GALNTL5: variants seen among roughly 807,000 people sequenced by gnomAD.
GALNTL5 encodes inactive polypeptide N-acetylgalactosaminyltransferase-like protein 5.
Under a neutral mutation model 51.0 loss-of-function variants are expected in GALNTL5, and 44 were observed. That is an observed-to-expected ratio of 0.86 (90% confidence interval 0.68 to 1.11). The LOEUF (loss-of-function observed/expected upper bound fraction) is 1.11, where lower values mean the gene tolerates loss of function less well. Ranked by LOEUF, GALNTL5 falls within the 50% of genes least tolerant of loss-of-function variation. The pLI, the probability that GALNTL5 is intolerant of heterozygous loss-of-function variation, is 0.00. For synonymous variants in GALNTL5, 192 were observed against 182.8 expected (o/e 1.05, Z -0.41); for missense variants, 528 against 531.8 (o/e 0.99, Z 0.07).
chr7:151,977,278 A>T (rs536124655), intron 3 of GALNTL5, among the ~76,000 whole-genome samples: 2 of 152,302 alleles, frequency 1.3e-5, no homozygotes, highest in Admixed American at 1.3e-4. Context: ...GTAGAAAATA[A>T]GTTATAAGTG....
At chr7:152,015,988 G>GA (rs1026149425) in intron 8 of GALNTL5, among the ~76,000 whole-genome samples, 9 of 151,978 alleles carry the variant, frequency 5.9e-5, no homozygotes, top group Non-Finnish European at 1.2e-4. Context: ...TTCTCTAACT[G>GA]AAAAAAACAC....
intron 3 of GALNTL5, among the ~76,000 whole-genome samples, chr7:151,973,947 A>G (rs2080740986): frequency 6.6e-6 from 1 of 152,090 alleles, no homozygotes; most frequent in Non-Finnish European, 1.5e-5. Flanking sequence ...ATGAGACCTG[A>G]TGGTTTTTAA....
Position 151,962,451 on chromosome 7 carries a change from TG to T in GALNTL5, c.-39-4755del, listed in dbSNP as rs1168328623. Among the ~76,000 whole-genome samples, 67 of 148,114 alleles carry T rather than the reference TG, an allele frequency of 4.5e-4. 1 individual carries two copies. The highest frequency in any genetic ancestry group is 1.2e-3 in the African/African-American group (47 of 40,650). Reference sequence around the variant, plus strand: ...ATTTTTTTTTCTTTTTTTTTTTTTTTGGTTAATGCAGTAATCAGTGTTTGCA... The same window carrying T: ...ATTTTTTTTTCTTTTTTTTTTTTTTTGTTAATGCAGTAATCAGTGTTTGCA... On this transcript the variant is annotated intron_variant, in intron 1 of 8. Transcript: ENST00000392800.
At chr7:151,997,108 T>C (rs577418286) in intron 5 of GALNTL5, among the ~76,000 whole-genome samples, 1 of 152,332 alleles carries the variant, frequency 6.6e-6, no homozygotes, top group African/African-American at 2.4e-5. Context: ...CAGGGTAAGA[T>C]GGAGGACGTA....
At chr7:151,968,912 C>T (rs1271964487) in intron 2 of GALNTL5, among the ~76,000 whole-genome samples, 4 of 152,184 alleles carry the variant, frequency 2.6e-5, no homozygotes. Context: ...GATAACCACT[C>T]ATATACTGTC....
intron 6 of GALNTL5, 114 bp from the exon 7 acceptor site, chr7:152,007,713 C>T (rs763965611): frequency 4.8e-5 from 35 of 733,454 alleles, no homozygotes; most frequent in Non-Finnish European, 5.7e-5. Flanking sequence ...CCTCCACACC[C>T]GGCCTGTTTT....
chr7:151,996,952 C>G (rs1483126131), intron 5 of GALNTL5, among the ~76,000 whole-genome samples: 1 of 151,922 alleles, frequency 6.6e-6, no homozygotes, highest in East Asian at 1.9e-4. Flanking sequence ...AAATACAAAA[C>G]AGAGAAAAAC....
intron 8 of GALNTL5, among the ~76,000 whole-genome samples, chr7:152,016,640 G>A (rs990763968): frequency 3.9e-5 from 6 of 152,164 alleles, no homozygotes; most frequent in Non-Finnish European, 5.9e-5. Context: ...CTAATAAACA[G>A]CATTATTTGT....
At chr7:151,973,051 T>G (rs1393620790) in intron 3 of GALNTL5, among the ~76,000 whole-genome samples, 2 of 152,080 alleles carry the variant, frequency 1.3e-5, no homozygotes, top group Admixed American at 6.5e-5. Context: ...CTGCGGGGGA[T>G]GTACCCTGCA....
chr7:151,977,190 G>T (rs73728485), intron 3 of GALNTL5, among the ~76,000 whole-genome samples: 77 of 152,184 alleles, frequency 5.1e-4, no homozygotes, highest in African/African-American at 1.8e-3. Flanking sequence ...ACAAAAATAG[G>T]ACTGAGAGAT....
intron 3 of GALNTL5, among the ~76,000 whole-genome samples, chr7:151,981,538 T>A (rs2081286019): frequency 6.7e-6 from 1 of 149,306 alleles, no homozygotes; most frequent in Admixed American, 6.7e-5. Context: ...ACAATACATC[T>A]CTCTTCCCTT....
intron 1 of GALNTL5, among the ~76,000 whole-genome samples, chr7:151,966,550 T>G (rs1341513704): frequency 6.6e-6 from 1 of 152,192 alleles, no homozygotes; most frequent in Non-Finnish European, 1.5e-5. Flanking sequence ...ATTACAGGCA[T>G]GAGCCACCAC....
intron 5 of GALNTL5, among the ~76,000 whole-genome samples, chr7:151,992,001 A>G (rs991000930): frequency 6.6e-6 from 1 of 152,110 alleles, no homozygotes; most frequent in Non-Finnish European, 1.5e-5. Flanking sequence ...ATTTCTGTTT[A>G]TCTTGATTTT....
intron 6 of GALNTL5, 110 bp downstream of exon 6, chr7:152,003,073 A>C (rs2081602975): frequency 2.2e-6 from 2 of 918,754 alleles, no homozygotes; most frequent in Admixed American, 4.8e-5. Flanking sequence ...TCAAAATGTT[A>C]TGTTACTTGT....
At chr7:152,005,655 G>A (rs2151958170) in intron 6 of GALNTL5, among the ~76,000 whole-genome samples, 1 of 152,220 alleles carries the variant, frequency 6.6e-6, no homozygotes, top group Middle Eastern at 3.4e-3. Flanking sequence ...GATTTCTTCT[G>A]GTTTTGGAAA....
Position 151,971,024 on chromosome 7 carries a change from C to T in GALNTL5, c.327C>T (p.Ser109=), listed in dbSNP as rs2081128336. 1 of 1,611,444 alleles carries T rather than the reference C, an allele frequency of 6.2e-7. No individual in the cohort carries two copies. The highest frequency in any genetic ancestry group is 2.2e-5 in the East Asian group (1 of 44,728). ...GATTTAATGTGATTATCAGTAGAAGCTTGGGCATCGAAAGAGAAGTGCCAG... is the reference window on the plus strand; with the variant it reads ...GATTTAATGTGATTATCAGTAGAAGTTTGGGCATCGAAAGAGAAGTGCCAG... ...KYGFNVIISR[S]LGIEREVPDT... The change falls in exon 3 of 9, where the codon AGC becomes AGT. Residue 109 remains serine, a synonymous_variant. Coordinates refer to ENST00000392800, the MANE Select transcript of GALNTL5 (RefSeq NM_145292.4).
intron 3 of GALNTL5, among the ~76,000 whole-genome samples, chr7:151,980,187 G>C (rs1366749518): frequency 2.0e-5 from 3 of 152,054 alleles, no homozygotes; most frequent in African/African-American, 7.2e-5. Flanking sequence ...GGGTTCAAGT[G>C]ATTCTCCTGC....
chr7:152,000,750 T>C (rs145419478), intron 5 of GALNTL5, among the ~76,000 whole-genome samples: 4 of 152,220 alleles, frequency 2.6e-5, no homozygotes, highest in Non-Finnish European at 4.4e-5. Context: ...CTCTTGCGCA[T>C]TTTAAATCAG....
chr7:151,983,760 G>A (rs1321934623), intron 4 of GALNTL5, among the ~76,000 whole-genome samples: 1 of 152,180 alleles, frequency 6.6e-6, no homozygotes, highest in East Asian at 1.9e-4. Flanking sequence ...GATCTAGGTG[G>A]AGAGGAAGGA....
Sources: gnomAD v4.1 joint callset for allele counts (sites outside exome capture counted in the v4.1 genomes callset) on GRCh38, gnomAD v4.1.1 for gene constraint, MANE v1.5 for transcripts, NCBI Gene and HGNC (gene_info 2026-07-23, HGNC 2026-07-21) for gene names.